The following KIAA1671 variants were observed in gnomAD, a reference collection of about 807,000 sequenced individuals.
KIAA1671 encodes KIAA1671, also known as uncharacterized protein KIAA1671.
A neutral mutation model predicts 131.2 loss-of-function variants in KIAA1671; 52 were observed. The observed-to-expected ratio is 0.40, with a 90% CI of 0.32 to 0.50. The LOEUF (loss-of-function observed/expected upper bound fraction) is 0.50, where lower values mean the gene tolerates loss of function less well. Ranked by LOEUF, KIAA1671 falls within the 20% of genes least tolerant of loss-of-function variation. The probability of loss-of-function intolerance (pLI) is 0.73; values close to 1 mark genes in which losing one functional copy is unlikely to be tolerated. For synonymous variants in KIAA1671, 1,003 were observed against 961.6 expected (o/e 1.04, Z -0.80); for missense variants, 2,360 against 2,364.2 (o/e 1.00, Z 0.04).
chr22:25,179,343 C>T, intron 9 of KIAA1671: 2 of 1,594,164 alleles, frequency 1.3e-6, no homozygotes, highest in South Asian at 1.1e-5. Flanking sequence ...CTCCTTGTTC[C>T]TGCGCACCTC....
chr22:24,964,665 C>A (rs1350107224), intron 1 of KIAA1671, among the ~76,000 whole-genome samples: 1 of 152,152 alleles, frequency 6.6e-6, no homozygotes, highest in Non-Finnish European at 1.5e-5. Context: ...TCAAGTGATT[C>A]TTCCGCCTCA....
At position 25,193,825 on chromosome 22, in the gene KIAA1671, T is replaced by C. The variant is rs1547435; in HGVS notation, c.*1424T>C. On this transcript the variant is annotated 3_prime_UTR_variant, in exon 13 of 13. Coordinates refer to ENST00000358431, the MANE Select transcript of KIAA1671 (RefSeq NM_001145206.2). ...TGGTTACTGATGAGCAATTGCCAGA[T>C]CATGTCACCCACCCAGCCTTTTACA... 0.53 allele frequency: 81,213 copies of C among 151,996 alleles called. 23,754 individuals are homozygous for C. The highest frequency in any genetic ancestry group is 0.78 in the African/African-American group (32,261 of 41,484). The allele number at this position is 151,996 out of a possible 1,614,324, so 9.4% of individuals were successfully genotyped here.
At chr22:24,998,842 G>T (rs933909231) in intron 1 of KIAA1671, among the ~76,000 whole-genome samples, 3 of 145,502 alleles carry the variant, frequency 2.1e-5, no homozygotes, top group African/African-American at 7.5e-5. Context: ...CTATCTGCAG[G>T]TTTTTTTTTT....
intron 1 of KIAA1671, among the ~76,000 whole-genome samples, chr22:24,961,004 TTTG>T (rs953560521): frequency 6.6e-6 from 1 of 152,068 alleles, no homozygotes. Context: ...TGGGGTTCTT[TTTG>T]TTGTTGTTGT....
Position 25,029,015 on chromosome 22 carries a change from A to G in KIAA1671, c.1016A>G (p.Asp339Gly). The change falls in exon 3 of 13, where the codon GAT becomes GGT. Residue 339 changes from aspartate to glycine, a missense_variant. Physicochemically the swap from Asp to Gly is moderately conservative, Grantham distance 94. Around this residue, in one of 3 missense-constraint regions of KIAA1671, gnomAD observed 1,185 missense variants for 1,126.2 expected, o/e 1.05. Transcript: ENST00000358431. ...CLVKAEAPLH[D>G]PDLDFLEVAK... ...GTCAAGGCGGAGGCTCCTCTTCATG[A>G]TCCTGATTTGGACTTCCTGGAGGTG... 6.6e-7 allele frequency: 1 copy of G among 1,505,552 alleles called. No homozygotes were observed. Among genetic ancestry groups the G allele is most frequent in the East Asian group, 2.5e-5 (1 of 40,502 alleles). 93.3% of individuals were successfully genotyped at this position (1,505,552 alleles called of 1,614,324 possible).
rs1424821420 is a variant in KIAA1671, at chr22:25,195,285, G to T, written c.*2884G>T. 1 of 152,102 alleles carries T rather than the reference G, an allele frequency of 6.6e-6. No individual in the cohort carries two copies. Among genetic ancestry groups the T allele is most frequent in the Admixed American group, 6.5e-5 (1 of 15,268 alleles). 9.4% of individuals were successfully genotyped at this position (152,102 alleles called of 1,614,324 possible). On this transcript the variant is annotated 3_prime_UTR_variant, in exon 13 of 13. Transcript: ENST00000358431. The stretch of plus-strand genomic sequence containing the variant: ...CTCTTCAGTAGATACCCTTCTTCAT[G>T]GTCCTTTGCCTAATCAAACAGAGGC...
At chr22:25,019,709 TC>T (rs923165800) in intron 1 of KIAA1671, among the ~76,000 whole-genome samples, 9 of 151,852 alleles carry the variant, frequency 5.9e-5, no homozygotes, top group South Asian at 2.1e-4. Flanking sequence ...CCCTTCTGCT[TC>T]CCCTACCAAT....
At chr22:24,968,462 G>A (rs753089370) in intron 1 of KIAA1671, among the ~76,000 whole-genome samples, 3 of 152,174 alleles carry the variant, frequency 2.0e-5, no homozygotes, top group Non-Finnish European at 2.9e-5. Flanking sequence ...CATGCAGCCC[G>A]CAGTCATGTC....
rs1017889289 is a variant in KIAA1671, at chr22:25,177,497, C to T, written c.5049C>T (p.Asn1683=). 4 of 1,551,442 alleles carry T rather than the reference C, an allele frequency of 2.6e-6. No individual in the cohort carries two copies. In the Admixed American group the frequency reaches 5.9e-5, roughly 23 times the overall value. ...CACCTTTGGAGGATGAGACTGACAA[C>T]ACGTGGATGTTCAAAGACTCAACGG... ...SRSPLEDETD[N]TWMFKDSTEE... The change falls in exon 9 of 13, where the codon AAC becomes AAT. Residue 1683 remains asparagine, a synonymous_variant. Coordinates refer to ENST00000358431, the MANE Select transcript of KIAA1671 (RefSeq NM_001145206.2).
At chr22:24,998,579 C>T (rs1050736156) in intron 1 of KIAA1671, among the ~76,000 whole-genome samples, 1 of 151,360 alleles carries the variant, frequency 6.6e-6, no homozygotes, top group African/African-American at 2.4e-5. Flanking sequence ...ATTAGCTGGG[C>T]GTAGTGGCGG....
At position 25,194,887 on chromosome 22, in the gene KIAA1671, T is replaced by C. The variant is rs1934776224; in HGVS notation, c.*2486T>C. ...TAGAAGTAACTGATGATTGGGAGCC[T>C]TTGCAGATAGCTGGGCAAATGGGTG... On this transcript the variant is annotated 3_prime_UTR_variant, in exon 13 of 13. Transcript: ENST00000358431. 1 of 152,196 alleles carries C rather than the reference T, an allele frequency of 6.6e-6. No homozygotes were observed. Among genetic ancestry groups the C allele is most frequent in the South Asian group, 2.1e-4 (1 of 4,820 alleles). The allele number at this position is 152,196 out of a possible 1,614,324, so 9.4% of individuals were successfully genotyped here.
rs1428805194 is a variant in KIAA1671, at chr22:25,174,275, C to T, written c.4685C>T (p.Ser1562Leu). ...ATESPDSSAT[S>L]TRKQPPSSRL... Reference sequence around the variant, plus strand: ...GAGTCCCCAGATAGCAGTGCCACATCGACAAGGAAACAGCCCCCCAGCAGC... The same window carrying T: ...GAGTCCCCAGATAGCAGTGCCACATTGACAAGGAAACAGCCCCCCAGCAGC... The change falls in exon 8 of 13, where the codon TCG (serine) becomes TTG (leucine). Residue 1562 changes from serine (S) to leucine (L), a missense_variant. Ser to Leu is a moderately radical substitution (Grantham distance 145, BLOSUM62 -2). Transcript: ENST00000358431. 7.7e-6 allele frequency: 12 copies of T among 1,551,716 alleles called. No individual in the cohort carries two copies. The highest frequency in any genetic ancestry group is 2.0e-5 in the Admixed American group (1 of 51,006).
intron 6 of KIAA1671, among the ~76,000 whole-genome samples, chr22:25,126,317 C>T (rs1255081622): frequency 6.6e-6 from 1 of 152,190 alleles, no homozygotes; most frequent in African/African-American, 2.4e-5. Flanking sequence ...TTCCTTAATT[C>T]GTAGCTAGGA....
intron 7 of KIAA1671, among the ~76,000 whole-genome samples, chr22:25,174,026 T>G (rs1933936701): frequency 6.6e-6 from 1 of 152,180 alleles, no homozygotes; most frequent in Admixed American, 6.5e-5. Flanking sequence ...ATTCTGCACC[T>G]GGCCAGGTGT....
intron 1 of KIAA1671, among the ~76,000 whole-genome samples, chr22:25,006,933 C>T (rs1449313598): frequency 2.6e-5 from 4 of 152,164 alleles, no homozygotes; most frequent in Non-Finnish European, 5.9e-5. Flanking sequence ...GTCCCTTTTG[C>T]TATGTAAGGC....
chr22:25,133,621 C>G (rs1932545490), intron 6 of KIAA1671, among the ~76,000 whole-genome samples: 1 of 152,176 alleles, frequency 6.6e-6, no homozygotes, highest in Non-Finnish European at 1.5e-5. Context: ...TAGTTCACTG[C>G]AGCCTCGAAC....
At chr22:24,979,965 T>C (rs1260192009) in intron 1 of KIAA1671, among the ~76,000 whole-genome samples, 1 of 151,724 alleles carries the variant, frequency 6.6e-6, no homozygotes, top group Non-Finnish European at 1.5e-5. Flanking sequence ...AATTCCCTTC[T>C]CTTTTTTTTT....
At chr22:25,118,802 T>C (rs554864188) in intron 6 of KIAA1671, among the ~76,000 whole-genome samples, 3 of 152,236 alleles carry the variant, frequency 2.0e-5, no homozygotes, top group African/African-American at 7.2e-5. Context: ...TTATGCTCAC[T>C]CTGACCTTGC....
intron 1 of KIAA1671, among the ~76,000 whole-genome samples, chr22:24,961,157 C>A (rs937136422): frequency 6.6e-6 from 1 of 152,034 alleles, no homozygotes; most frequent in Non-Finnish European, 1.5e-5. Context: ...TACAGGCATG[C>A]ACCACCACGC....
Sources: gnomAD v4.1 joint callset for allele counts (sites outside exome capture counted in the v4.1 genomes callset) on GRCh38, gnomAD v4.1.1 for gene constraint, gnomAD v4.1.1 regional missense constraint, MANE v1.5 for transcripts, NCBI Gene and HGNC (gene_info 2026-07-23, HGNC 2026-07-21) for gene names.